Variants in MATN2 observed in about 807,000 individuals in gnomAD.
MATN2 encodes matrilin-2.
MATN2 carries 69 observed loss-of-function variants against 103.2 expected under a neutral mutation model. The ratio of observed to expected loss-of-function variants is 0.67; its 90% CI spans 0.55 to 0.82. MATN2 has a LOEUF of 0.82. Among genes scored for constraint, MATN2 ranks in the 40% least tolerant of loss-of-function variants. MATN2 has a pLI of 0.00. For synonymous variants in MATN2, 429 were observed against 450.2 expected, an observed-to-expected ratio of 0.95 and a Z score of 0.60; for missense variants, 1,023 against 1,211.5, an observed-to-expected ratio of 0.84 and a Z score of 2.31.
In MATN2 at chr8:97,888,172, G is replaced by A. The variant is rs373506520; in HGVS notation, c.72G>A (p.Arg24=). The A allele has an allele frequency of 2.1e-5, 34 of 1,608,604 alleles. No homozygotes were observed. Among genetic ancestry groups the A allele is most frequent in the Admixed American group, 5.1e-5 (3 of 59,362 alleles). The change falls in exon 2 of 19, where the codon AGG becomes AGA. Residue 24 remains arginine, a synonymous_variant. Transcript: ENST00000254898. ...TCGTCCTCCTCCCTGCCGAGGCCAGGGAGCGGTCACGTGGGAGGTCCATCT... is the reference window on the plus strand; with the variant it reads ...TCGTCCTCCTCCCTGCCGAGGCCAGAGAGCGGTCACGTGGGAGGTCCATCT... ...GQIVLLPAEA[R]ERSRGRSISR... is the part of the protein sequence containing the mutation.
chr8:97,992,070 A>T lies in MATN2; in HGVS notation c.1082-2410A>T, dbSNP rs377312098. On this transcript the variant is annotated intron_variant, in intron 6 of 18. Transcript: ENST00000254898. ...AATTAGAATATGGATGGTAGATTAA[A>T]TATAAGTATTGTATCAATGTAAACT... is the stretch of plus-strand genomic sequence containing the variant. Among the ~76,000 whole-genome samples, 93 of 152,382 alleles carry T rather than the reference A, an allele frequency of 6.1e-4. 1 individual carries two copies. In the South Asian group the frequency reaches 0.019, roughly 31 times the overall value.
At chr8:97,922,987 G>C (rs138307672) in intron 2 of MATN2, among the ~76,000 whole-genome samples, 13 of 152,292 alleles carry the variant, frequency 8.5e-5, no homozygotes, top group African/African-American at 3.1e-4. Context: ...CACAACCTAA[G>C]AGTTCTACCT....
At chr8:97,975,794 G>C (rs2130301654) in intron 5 of MATN2, among the ~76,000 whole-genome samples, 1 of 152,316 alleles carries the variant, frequency 6.6e-6, no homozygotes, top group East Asian at 1.9e-4. Flanking sequence ...AGCAGGCTCT[G>C]GCATGGCCAA....
intron 6 of MATN2, among the ~76,000 whole-genome samples, chr8:97,986,992 C>T (rs1812217537): frequency 6.7e-6 from 1 of 148,322 alleles, no homozygotes; most frequent in African/African-American, 2.6e-5. Flanking sequence ...GCCACCACGC[C>T]CAGCTAATTT....
intron 2 of MATN2, among the ~76,000 whole-genome samples, chr8:97,889,207 C>G (rs746340739): frequency 6.6e-6 from 1 of 151,834 alleles, no homozygotes; most frequent in Non-Finnish European, 1.5e-5. Context: ...CAGTGGCATC[C>G]GAAATTACAA....
At chr8:97,907,584 A>T (rs1237466526) in intron 2 of MATN2, among the ~76,000 whole-genome samples, 1 of 151,932 alleles carries the variant, frequency 6.6e-6, no homozygotes, top group South Asian at 2.1e-4. Flanking sequence ...GGCCTCCCAA[A>T]GTGCTGGGAT....
intron 13 of MATN2, among the ~76,000 whole-genome samples, chr8:98,022,565 C>T (rs1813637024): frequency 6.6e-6 from 1 of 152,012 alleles, no homozygotes; most frequent in Admixed American, 6.6e-5. Context: ...TTTTGAGGTA[C>T]CAAATACCAA....
intron 5 of MATN2, among the ~76,000 whole-genome samples, chr8:97,975,650 T>G (rs1002235385): frequency 6.6e-6 from 1 of 152,180 alleles, no homozygotes; most frequent in African/African-American, 2.4e-5. Context: ...TACTAAGAAG[T>G]GGGTGGCCAT....
At position 98,016,612 on chromosome 8, in the gene MATN2, G is replaced by A. The variant is rs1303934585; in HGVS notation, c.1646G>A (p.Cys549Tyr). 2.5e-6 allele frequency: 4 copies of A among 1,612,250 alleles called. No homozygotes were observed. Among genetic ancestry groups the A allele is most frequent in the Non-Finnish European group, 3.4e-6 (4 of 1,179,044 alleles). The change falls in exon 11 of 19, where the codon TGC becomes TAC. Residue 549 changes from cysteine to tyrosine, a missense_variant. Physicochemically the swap from Cys to Tyr is radical, Grantham distance 194 (BLOSUM62 -2). Coordinates refer to ENST00000254898, the MANE Select transcript of MATN2 (RefSeq NM_002380.5). Reference sequence around the variant, plus strand: ...GTAAGCAGTGAAGATTCGTTTGTGTGCCAGTGCTTTGAAGGTTATATACTC... The same window carrying A: ...GTAAGCAGTGAAGATTCGTTTGTGTACCAGTGCTTTGAAGGTTATATACTC... ...SCVSSEDSFV[C>Y]QCFEGYILRE...
At chr8:97,986,957 C>T (rs534338200) in intron 6 of MATN2, among the ~76,000 whole-genome samples, 158 of 152,046 alleles carry the variant, frequency 1.0e-3, no homozygotes, top group Non-Finnish European at 1.9e-3. Context: ...CTCAGCCTCC[C>T]GAGTGGCTGG....
At chr8:97,878,129 A>G (rs938902112) in intron 1 of MATN2, among the ~76,000 whole-genome samples, 1 of 152,260 alleles carries the variant, frequency 6.6e-6, no homozygotes. Context: ...CTAAATTAAC[A>G]CATTATTTTA....
intron 6 of MATN2, among the ~76,000 whole-genome samples, chr8:97,988,739 A>G (rs1407186007): frequency 1.3e-5 from 2 of 152,230 alleles, no homozygotes; most frequent in African/African-American, 4.8e-5. Context: ...TAGTTGGCTT[A>G]ACTGGTGAAT....
chr8:97,939,934 T>C (rs1810498662), intron 3 of MATN2, among the ~76,000 whole-genome samples: 1 of 152,042 alleles, frequency 6.6e-6, no homozygotes, highest in South Asian at 2.1e-4. Flanking sequence ...AAAACTGAGG[T>C]GAAGGTCAAT....
intron 2 of MATN2, among the ~76,000 whole-genome samples, chr8:97,921,630 C>A (rs534782569): frequency 6.6e-6 from 1 of 152,202 alleles, no homozygotes; most frequent in African/African-American, 2.4e-5. Flanking sequence ...CCCTTAAGCA[C>A]TGAGAGCTGG....
intron 2 of MATN2, among the ~76,000 whole-genome samples, chr8:97,918,310 G>A (rs1407615694): frequency 6.6e-6 from 1 of 152,058 alleles, no homozygotes; most frequent in Non-Finnish European, 1.5e-5. Context: ...AGGACCTGAC[G>A]ATACAGCACT....
At chr8:97,999,351 TTTAA>T (rs1350374644) in intron 7 of MATN2, among the ~76,000 whole-genome samples, 7 of 152,244 alleles carry the variant, frequency 4.6e-5, no homozygotes, top group African/African-American at 1.7e-4. Context: ...TAATTCTATA[TTTAA>T]TTTTTTGAGG....
At chr8:97,912,641 A>C (rs1230803502) in intron 2 of MATN2, among the ~76,000 whole-genome samples, 1 of 152,180 alleles carries the variant, frequency 6.6e-6, no homozygotes. Flanking sequence ...GTGGGCCTGC[A>C]GAGACGTAGG....
intron 5 of MATN2, among the ~76,000 whole-genome samples, chr8:97,973,096 T>TA (rs1811715025): frequency 6.6e-6 from 1 of 152,218 alleles, no homozygotes; most frequent in Non-Finnish European, 1.5e-5. Flanking sequence ...AAAAAACTGT[T>TA]AGATTCACAT....
intron 13 of MATN2, chr8:98,025,662 C>A (rs916719034): frequency 1.4e-5 from 5 of 363,652 alleles, no homozygotes; most frequent in Non-Finnish European, 2.8e-5. Flanking sequence ...AGGAGAATCG[C>A]TTGAACCTGG....
Sources: gnomAD v4.1 joint callset for allele counts (sites outside exome capture counted in the v4.1 genomes callset) on GRCh38, gnomAD v4.1.1 for gene constraint, MANE v1.5 for transcripts, NCBI Gene and HGNC (gene_info 2026-07-23, HGNC 2026-07-21) for gene names.